LSM14A: variants seen among roughly 807,000 people sequenced by gnomAD.
The protein encoded by LSM14A is protein LSM14 homolog A.
In LSM14A, 14 loss-of-function variants were observed where a neutral mutation model predicts 52.4. That is an observed-to-expected ratio of 0.27 (90% CI 0.18 to 0.42). LSM14A has a LOEUF of 0.42. Among genes scored for constraint, LSM14A ranks in the 10% least tolerant of loss-of-function variants. The probability of loss-of-function intolerance (pLI) is 1.00; values close to 1 mark genes in which losing one functional copy is unlikely to be tolerated. For missense variants in LSM14A, 417 were observed against 581.8 expected (o/e 0.72, Z 2.91); for synonymous variants, 185 against 200.3 (o/e 0.92, Z 0.64).
chr19:34,179,345 C>T (rs77910006), intron 1 of LSM14A, among the ~76,000 whole-genome samples: 2 of 152,272 alleles, frequency 1.3e-5, no homozygotes, highest in East Asian at 1.9e-4. Context: ...AGTGGAAGAG[C>T]TTTGTGTGAT....
intron 6 of LSM14A, among the ~76,000 whole-genome samples, chr19:34,216,989 C>T (rs1010182634): frequency 8.5e-5 from 13 of 152,134 alleles, no homozygotes; most frequent in Admixed American, 5.9e-4. Flanking sequence ...AGGCCAGGCA[C>T]GGTGGCTCAC....
intron 1 of LSM14A, among the ~76,000 whole-genome samples, chr19:34,192,319 G>GTTGTTGT (rs60512063): frequency 0.064 from 3,442 of 53,634 alleles, 266 homozygotes; most frequent in African/African-American, 0.17. Context: ...TCTTTTTGTT[G>GTTGTTGT]TTTTTTTTTT....
chr19:34,198,612 G>A (rs531037322), intron 3 of LSM14A, among the ~76,000 whole-genome samples: 136 of 152,056 alleles, frequency 8.9e-4, no homozygotes, highest in African/African-American at 2.8e-3. Context: ...GCAAAACTCC[G>A]TCTAAAAATA....
chr19:34,186,785 A>C (rs2069940368), intron 1 of LSM14A, among the ~76,000 whole-genome samples: 1 of 152,172 alleles, frequency 6.6e-6, no homozygotes, highest in East Asian at 1.9e-4. Flanking sequence ...TCTTATTCTA[A>C]GTTTTCATTT....
At chr19:34,176,868 G>T (rs373069340) in intron 1 of LSM14A, among the ~76,000 whole-genome samples, 97 of 152,314 alleles carry the variant, frequency 6.4e-4, no homozygotes, top group African/African-American at 2.0e-3. Context: ...CAAAGTAGTT[G>T]TTTAGTGGTT....
intron 4 of LSM14A, among the ~76,000 whole-genome samples, chr19:34,212,213 A>G (rs1017220580): frequency 1.3e-5 from 2 of 151,778 alleles, no homozygotes; most frequent in African/African-American, 4.8e-5. Flanking sequence ...TGCGCCTATC[A>G]GCTTGAGAGG....
Position 34,194,459 on chromosome 19 carries a change from T to G in LSM14A, c.122-19T>G. ...GTGATGAGTAGTCACACATCTCATA[T>G]CCTTTGTTTTCTTGCCAGTTCGATC... On this transcript the variant is annotated intron_variant, in intron 1 of 9. Coordinates refer to ENST00000544216, the MANE Select transcript of LSM14A (RefSeq NM_015578.4). The G allele has an allele frequency of 1.2e-6, 2 of 1,612,218 alleles. No homozygotes were observed. Among genetic ancestry groups the G allele is most frequent in the Non-Finnish European group, 1.7e-6 (2 of 1,178,456 alleles).
At chr19:34,190,000 A>C (rs1381708077) in intron 1 of LSM14A, among the ~76,000 whole-genome samples, 1 of 152,196 alleles carries the variant, frequency 6.6e-6, no homozygotes, top group East Asian at 1.9e-4. Context: ...GAAATGAACC[A>C]ATGTGATTTC....
At chr19:34,190,419 T>C (rs1269140867) in intron 1 of LSM14A, among the ~76,000 whole-genome samples, 12 of 152,132 alleles carry the variant, frequency 7.9e-5, no homozygotes. Flanking sequence ...AGACCATATT[T>C]TGGAAAGTAT....
At chr19:34,227,289 TAAACTTGAGCA>T in intron 9 of LSM14A, 65 bp from the exon 10 acceptor site, 3 of 964,018 alleles carry the variant, frequency 3.1e-6, no homozygotes, top group Non-Finnish European at 4.8e-6. Context: ...TAATTTAAAA[TAAACTTGAGCA>T]AAGTAAAAAG....
chr19:34,178,914 G>T (rs2069273970), intron 1 of LSM14A, among the ~76,000 whole-genome samples: 1 of 152,166 alleles, frequency 6.6e-6, no homozygotes, highest in Non-Finnish European at 1.5e-5. Flanking sequence ...TTTAAAGGAA[G>T]CCTCCATTCA....
intron 1 of LSM14A, among the ~76,000 whole-genome samples, chr19:34,183,382 C>T (rs2069644883): frequency 6.6e-6 from 1 of 152,102 alleles, no homozygotes; most frequent in Non-Finnish European, 1.5e-5. Flanking sequence ...GAAACCCCGT[C>T]TCTACTAAAA....
chr19:34,197,957 G>A (rs955705030), intron 3 of LSM14A, among the ~76,000 whole-genome samples: 2 of 151,884 alleles, frequency 1.3e-5, no homozygotes, highest in African/African-American at 4.8e-5. Flanking sequence ...AATCAGATTA[G>A]CTCAGTGTTT....
intron 3 of LSM14A, among the ~76,000 whole-genome samples, chr19:34,197,063 A>G (rs1196899157): frequency 1.3e-5 from 2 of 152,088 alleles, no homozygotes; most frequent in Non-Finnish European, 2.9e-5. Context: ...GGTATATCCA[A>G]TATCTACCAA....
intron 3 of LSM14A, among the ~76,000 whole-genome samples, chr19:34,204,230 T>C (rs2071518122): frequency 1.3e-5 from 2 of 152,212 alleles, no homozygotes; most frequent in African/African-American, 4.8e-5. Flanking sequence ...GACCAAATGC[T>C]GGACCATAAA....
chr19:34,200,489 TTAAAAG>T (rs903556685), intron 3 of LSM14A, among the ~76,000 whole-genome samples: 6 of 152,036 alleles, frequency 3.9e-5, no homozygotes, highest in Admixed American at 1.3e-4. Context: ...TTTGAAGTAT[TTAAAAG>T]TAAAAGGGCC....
rs147367720 is a variant in LSM14A, at chr19:34,221,685, G to A, written c.1315G>A (p.Gly439Ser). 12 of 1,614,092 alleles carry A rather than the reference G, an allele frequency of 7.4e-6. No homozygotes were observed. The highest frequency in any genetic ancestry group is 5.3e-5 in the African/African-American group (4 of 75,018). Reference protein sequence around the residue: ...GTFTAPRGFRGGFRGGRGGRE... With the variant: ...GTFTAPRGFRSGFRGGRGGRE... ...CTTCACTGCCCCTCGAGGATTTCGC[G>A]GTGGATTCAGAGGAGGTCGTGGGGG... is the stretch of plus-strand genomic sequence containing the variant. Residue 439 changes from glycine (G) to serine (S), a missense_variant, in exon 9 of 10, where the codon GGT (glycine) becomes AGT (serine). Coordinates refer to ENST00000544216, the MANE Select transcript of LSM14A (RefSeq NM_015578.4).
chr19:34,208,767 A>G (rs2071899751), intron 3 of LSM14A, 162 bp from the exon 4 acceptor site: 6 of 556,576 alleles, frequency 1.1e-5, no homozygotes, highest in Admixed American at 6.6e-5. Flanking sequence ...TAAAATTCCC[A>G]AACTATTCAG....
intron 9 of LSM14A, among the ~76,000 whole-genome samples, chr19:34,223,001 GTCTT>G (rs1412644060): frequency 6.6e-6 from 1 of 152,158 alleles, no homozygotes; most frequent in Non-Finnish European, 1.5e-5. Flanking sequence ...CCAATTTGGG[GTCTT>G]TCTTCCTAGT....
Sources: gnomAD v4.1 joint callset for allele counts (sites outside exome capture counted in the v4.1 genomes callset) on GRCh38, gnomAD v4.1.1 for gene constraint, MANE v1.5 for transcripts, NCBI Gene and HGNC (gene_info 2026-07-23, HGNC 2026-07-21) for gene names.